Variants in NUP214 observed in about 807,000 individuals in gnomAD.
NUP214 encodes nuclear pore complex protein Nup214.
Under a neutral mutation model 196.2 loss-of-function variants are expected in NUP214, and 79 were observed. The observed-to-expected ratio is 0.40, with a 90% confidence interval of 0.34 to 0.49. NUP214 has a LOEUF of 0.49. Ranked by LOEUF, NUP214 falls within the 20% of genes least tolerant of loss-of-function variation. The probability of loss-of-function intolerance (pLI) is 0.58; values close to 1 mark genes in which losing one functional copy is unlikely to be tolerated. For missense variants in NUP214, 2,468 were observed against 2,539.0 expected (o/e 0.97, Z 0.60); for synonymous variants, 1,020 against 990.5 (o/e 1.03, Z -0.56).
rs1833172689 is a variant in NUP214 at position 131,178,320 on chromosome 9, C to G, written c.3329C>G (p.Thr1110Ser). 1 of 1,612,804 alleles carries G rather than the reference C, an allele frequency of 6.2e-7. No homozygotes were observed. The highest frequency in any genetic ancestry group is 1.1e-5 in the South Asian group (1 of 91,050). ...QMASQAPAVNTLTESTLKNVP... is the reference protein window; with the variant it reads ...QMASQAPAVNSLTESTLKNVP... ...TCTCTGTTTAAATTAGCTGTAAACACTTTGACTGAATCAACGTTGAAGAAT... is the reference window on the plus strand; with the variant it reads ...TCTCTGTTTAAATTAGCTGTAAACAGTTTGACTGAATCAACGTTGAAGAAT... Residue 1110 changes from threonine (T) to serine (S), a missense_variant, in exon 24 of 36, where the codon ACT (threonine) becomes AGT (serine). Around this residue, in one of 5 missense-constraint regions of NUP214, gnomAD observed 1,801 missense variants for 1,779.4 expected, o/e 1.01. Transcript: ENST00000359428.
At chr9:131,127,800 C>T (rs1831408715) in intron 2 of NUP214, 81 bp downstream of exon 2, 1 of 1,040,028 alleles carries the variant, frequency 9.6e-7, no homozygotes, top group Non-Finnish European at 1.4e-6. Flanking sequence ...AGAAGTCATT[C>T]TAATACTAAA....
chr9:131,134,834 T>G (rs905846210), intron 7 of NUP214, 64 bp from the exon 8 acceptor site: 4 of 963,422 alleles, frequency 4.2e-6, no homozygotes, highest in Non-Finnish European at 6.6e-6. Context: ...TTTGAGATTC[T>G]TTTGCTGTGG....
At chr9:131,228,867 C>A (rs1054568162) in intron 33 of NUP214, 10 of 152,304 alleles carry the variant, frequency 6.6e-5, no homozygotes, top group Non-Finnish European at 1.3e-4. Flanking sequence ...AAGCTGCTCT[C>A]ATTGCCTCGT....
rs76251038 is a variant in NUP214 at position 131,163,149 on chromosome 9, T to C, written c.2699T>C (p.Val900Ala). 6.2e-7 allele frequency: 1 copy of C among 1,612,974 alleles called. No individual in the cohort carries two copies. The highest frequency in any genetic ancestry group is 8.5e-7 in the Non-Finnish European group (1 of 1,179,654). Reference sequence around the variant, plus strand: ...TCCCTGTGGAGCCTGTCCTCGGCTGTTCCTTCCCAGAGCAGCATTCACAGG... The same window carrying C: ...TCCCTGTGGAGCCTGTCCTCGGCTGCTCCTTCCCAGAGCAGCATTCACAGG... The part of the protein sequence containing the change: ...QTSLWSLSSA[V>A]PSQSSIHSFD... The change falls in exon 19 of 36, where the codon GTT becomes GCT. Residue 900 changes from valine to alanine, a missense_variant. This residue lies in a region of NUP214 where 1,801 missense variants were observed against 1,779.4 expected (regional missense o/e 1.01). Coordinates refer to ENST00000359428, the MANE Select transcript of NUP214 (RefSeq NM_005085.4).
rs1832079093 is a variant in NUP214, at chr9:131,146,069, G to A, written c.1770-60G>A. 2 of 1,441,486 alleles carry A rather than the reference G, an allele frequency of 1.4e-6. No homozygotes were observed. Among genetic ancestry groups the A allele is most frequent in the Admixed American group, 3.4e-5 (2 of 58,478 alleles). The allele number at this position is 1,441,486 out of a possible 1,614,324, so 89.3% of individuals were successfully genotyped here. Reference sequence around the variant, plus strand: ...GTTATCTTTTGATGACATTGCTCATGCTAGTGTAAAAGAATCTTCTAGCAG... The same window carrying A: ...GTTATCTTTTGATGACATTGCTCATACTAGTGTAAAAGAATCTTCTAGCAG... On this transcript the variant is annotated intron_variant, in intron 12 of 35. Transcript: ENST00000359428. This position sits in a 1 kb window ranked among gnomAD's most constrained non-coding sequence, Gnocchi z 4.6.
chr9:131,144,475 G>A lies in NUP214; in HGVS notation c.1490G>A (p.Gly497Glu), dbSNP rs775000990. 3 of 1,613,910 alleles carry A rather than the reference G, an allele frequency of 1.9e-6. No homozygotes were observed. The highest frequency in any genetic ancestry group is 2.5e-6 in the Non-Finnish European group (3 of 1,180,000). ...TTGAAGTCATCTGCTACGGTCACTG[G>A]GGAGCCCCCTTCATATTCCAGTGGC... is the stretch of plus-strand genomic sequence containing the variant. The part of the protein sequence containing the change: ...SSLKSSATVT[G>E]EPPSYSSGSD... The change falls in exon 12 of 36, where the codon GGG (glycine) becomes GAG (glutamate). Residue 497 changes from glycine (G) to glutamate (E), a missense_variant. Transcript: ENST00000359428.
At chr9:131,128,928 T>C (rs987312968) in intron 3 of NUP214, 11 of 336,956 alleles carry the variant, frequency 3.3e-5, no homozygotes, top group Non-Finnish European at 5.0e-5. Context: ...ATTTTATAGG[T>C]AGAGAAACAG....
chr9:131,178,688 T>G (rs1342628012), intron 24 of NUP214, among the ~76,000 whole-genome samples: 8 of 148,322 alleles, frequency 5.4e-5, no homozygotes, highest in Non-Finnish European at 1.2e-4. Flanking sequence ...TGGTACACAT[T>G]AGGTGTGCAG....
chr9:131,159,308 T>C, intron 17 of NUP214, 75 bp from the exon 18 acceptor site: 1 of 966,974 alleles, frequency 1.0e-6, no homozygotes, highest in Non-Finnish European at 1.6e-6. Flanking sequence ...TTAGAATTCT[T>C]TTGACTGTTT....
At chr9:131,191,536 GTAGT>G (rs1048958473) in intron 26 of NUP214, 26 of 152,142 alleles carry the variant, frequency 1.7e-4, no homozygotes, top group African/African-American at 6.0e-4. Flanking sequence ...CTATAAGTAA[GTAGT>G]TAGAGTGAAA....
chr9:131,163,549 G>A (rs1283667046), intron 19 of NUP214, among the ~76,000 whole-genome samples: 3 of 152,058 alleles, frequency 2.0e-5, no homozygotes, highest in African/African-American at 7.2e-5. Flanking sequence ...TGAATGGGGG[G>A]ACTTTCAGAC....
intron 29 of NUP214, among the ~76,000 whole-genome samples, chr9:131,200,778 G>A (rs942451642): frequency 5.3e-5 from 8 of 151,962 alleles, no homozygotes; most frequent in Admixed American, 3.9e-4. Context: ...CTCTTTTGTT[G>A]TATAGTTCTG....
intron 15 of NUP214, 69 bp downstream of exon 15, chr9:131,150,479 C>A: frequency 1.3e-6 from 2 of 1,573,736 alleles, no homozygotes; most frequent in Non-Finnish European, 1.7e-6. Flanking sequence ...GAGTGCCAAC[C>A]CCTGTATGAC....
intron 10 of NUP214, 54 bp downstream of exon 10, chr9:131,139,461 A>G (rs772622263): frequency 3.2e-6 from 5 of 1,581,632 alleles, no homozygotes; most frequent in Non-Finnish European, 4.3e-6. Context: ...AGTTAGGGTT[A>G]ATATTGAAAC....
intron 5 of NUP214, among the ~76,000 whole-genome samples, chr9:131,132,331 C>CCTGAGG (rs1831581952): frequency 6.6e-6 from 1 of 152,122 alleles, no homozygotes; most frequent in East Asian, 1.9e-4. Flanking sequence ...CCAGGCTAGT[C>CCTGAGG]TCGAACTCCT....
chr9:131,188,317 AC>A (rs1833511951), intron 25 of NUP214, among the ~76,000 whole-genome samples: 2 of 152,230 alleles, frequency 1.3e-5, no homozygotes. Flanking sequence ...GATATTGCAA[AC>A]AGTTAAACAA....
intron 30 of NUP214, among the ~76,000 whole-genome samples, chr9:131,205,046 G>C (rs1834040342): frequency 6.6e-6 from 1 of 152,070 alleles, no homozygotes; most frequent in South Asian, 2.1e-4. Context: ...CTTTTTTTCA[G>C]ATAAGCAAAT....
At chr9:131,160,663 G>C (rs1417197061) in intron 18 of NUP214, among the ~76,000 whole-genome samples, 1 of 152,218 alleles carries the variant, frequency 6.6e-6, no homozygotes, top group Non-Finnish European at 1.5e-5. Context: ...GTACTTTTCA[G>C]TGGGACAACC....
At chr9:131,189,189 ATTG>A in intron 26 of NUP214, 58 bp downstream of exon 26, 2 of 1,332,680 alleles carry the variant, frequency 1.5e-6, no homozygotes, top group African/African-American at 1.4e-5. Context: ...AATAGGGGTT[ATTG>A]TTCTGGATCA....
Sources: gnomAD v4.1 joint callset for allele counts (sites outside exome capture counted in the v4.1 genomes callset) on GRCh38, gnomAD v4.1.1 for gene constraint, gnomAD v4.1.1 regional missense constraint, Gnocchi (gnomAD v3.1) non-coding constraint, MANE v1.5 for transcripts, NCBI Gene and HGNC (gene_info 2026-07-23, HGNC 2026-07-21) for gene names.